The following CPPED1 variants were observed in gnomAD, a reference collection of about 807,000 sequenced individuals.
CPPED1 encodes calcineurin like phosphoesterase domain containing 1.
In CPPED1, 28 loss-of-function variants were observed where a neutral mutation model predicts 28.0. That is an observed-to-expected ratio of 1.00 (90% CI 0.74 to 1.37). The LOEUF (loss-of-function observed/expected upper bound fraction) is 1.37, where lower values mean the gene tolerates loss of function less well. Among genes scored for constraint, CPPED1 ranks in the 40% most tolerant of loss-of-function variants. The pLI is 0.00. For synonymous variants in CPPED1, 198 were observed against 180.2 expected, an observed-to-expected ratio of 1.10 and a Z score of -0.79; for missense variants, 504 against 416.5, an observed-to-expected ratio of 1.21 and a Z score of -1.83.
intron 3 of CPPED1, among the ~76,000 whole-genome samples, chr16:12,675,743 C>T (rs1012382020): frequency 3.9e-5 from 6 of 152,150 alleles, no homozygotes; most frequent in African/African-American, 7.2e-5. Flanking sequence ...CTTTACGTTG[C>T]CAGCTATAAC....
intron 2 of CPPED1, among the ~76,000 whole-genome samples, chr16:12,754,296 C>A (rs2080350716): frequency 6.6e-6 from 1 of 152,140 alleles, no homozygotes. Context: ...AACCAAACAC[C>A]AGATGAAGCC....
chr16:12,715,868 C>T (rs1382344345), intron 2 of CPPED1, among the ~76,000 whole-genome samples: 1 of 152,110 alleles, frequency 6.6e-6, no homozygotes, highest in East Asian at 1.9e-4. Flanking sequence ...AACCTGCAGC[C>T]CGTATGCAGC....
chr16:12,756,400 T>C (rs546354915), intron 2 of CPPED1, among the ~76,000 whole-genome samples: 1 of 152,156 alleles, frequency 6.6e-6, no homozygotes, highest in African/African-American at 2.4e-5. Context: ...CAGAGATGCA[T>C]TTAAGAACAG....
intron 1 of CPPED1, among the ~76,000 whole-genome samples, chr16:12,801,346 G>A (rs756984339): frequency 1.1e-4 from 17 of 152,148 alleles, no homozygotes; most frequent in Non-Finnish European, 2.4e-4. Context: ...ACCCGCCTCA[G>A]TCTCCCAAAG....
intron 2 of CPPED1, among the ~76,000 whole-genome samples, chr16:12,736,932 G>A (rs1033893393): frequency 6.6e-6 from 1 of 152,122 alleles, no homozygotes; most frequent in Non-Finnish European, 1.5e-5. Context: ...GCTCACCCCT[G>A]TAATCCCAGC....
chr16:12,705,242 C>G (rs1809920492), intron 2 of CPPED1, among the ~76,000 whole-genome samples, 193 bp from the exon 3 acceptor site: 1 of 152,250 alleles, frequency 6.6e-6, no homozygotes, highest in African/African-American at 2.4e-5. Context: ...CTCTGCCCAT[C>G]CTTCCCCAGG....
intron 2 of CPPED1, chr16:12,753,529 A>G (rs983595744): frequency 3.3e-5 from 5 of 152,018 alleles, no homozygotes; most frequent in African/African-American, 1.2e-4. Context: ...TCCTGGTCAG[A>G]TGGCCACCTT....
rs755461896 is a variant in CPPED1 at position 12,665,104 on chromosome 16, C to T, written c.727G>A (p.Val243Met). The T allele has an allele frequency of 9.4e-6, 15 of 1,597,058 alleles. No homozygotes were observed. Among genetic ancestry groups the T allele is most frequent in the East Asian group, 6.7e-5 (3 of 44,450 alleles). ...TTCCTGTGGTAGTGGCCTGAGAACA[C>T]GACTTTGACACCTGCAGAGAAGGGA... ...DKFIHAGVKV[V>M]FSGHYHRNAG... The change falls in exon 4 of 4, where the codon GTG becomes ATG. Residue 243 changes from valine (V) to methionine (M), a missense_variant. Physicochemically the swap from Val to Met is conservative, Grantham distance 21. Coordinates refer to ENST00000381774, the MANE Select transcript of CPPED1 (RefSeq NM_018340.3).
intron 2 of CPPED1, among the ~76,000 whole-genome samples, chr16:12,763,678 T>C (rs775005747): frequency 2.0e-5 from 3 of 152,172 alleles, no homozygotes; most frequent in Non-Finnish European, 4.4e-5. Flanking sequence ...CCAAAGCTAT[T>C]TGGCCAGGAA....
chr16:12,802,926 G>A (rs1025865173), intron 1 of CPPED1, among the ~76,000 whole-genome samples: 3 of 152,190 alleles, frequency 2.0e-5, no homozygotes, highest in African/African-American at 4.8e-5. Flanking sequence ...TTCCCTGGGG[G>A]TATAAAGCTG....
chr16:12,758,665 C>G (rs116957319), intron 2 of CPPED1, among the ~76,000 whole-genome samples: 2,477 of 152,206 alleles, frequency 0.016, 32 homozygotes, highest in Non-Finnish European at 0.028. Context: ...GATCATGTGC[C>G]TGAGATCAAT....
chr16:12,686,955 G>A (rs903672574), intron 3 of CPPED1, among the ~76,000 whole-genome samples: 2 of 152,016 alleles, frequency 1.3e-5, no homozygotes, highest in Non-Finnish European at 2.9e-5. Context: ...GATTCAGTAC[G>A]TACACCAGGG....
At chr16:12,791,510 C>A (rs2080596490) in intron 1 of CPPED1, among the ~76,000 whole-genome samples, 1 of 152,192 alleles carries the variant, frequency 6.6e-6, no homozygotes, top group South Asian at 2.1e-4. Flanking sequence ...GATCATGTGT[C>A]ATCCTGTGCA....
chr16:12,772,678 G>A (rs1330982000), intron 2 of CPPED1, among the ~76,000 whole-genome samples: 2 of 152,178 alleles, frequency 1.3e-5, no homozygotes, highest in Non-Finnish European at 2.9e-5. Flanking sequence ...ATGGATGTGC[G>A]AAAGTTAACT....
At chr16:12,770,150 A>G (rs1287592280) in intron 2 of CPPED1, among the ~76,000 whole-genome samples, 1 of 152,208 alleles carries the variant, frequency 6.6e-6, no homozygotes, top group Non-Finnish European at 1.5e-5. Context: ...ATAGCATGGA[A>G]GAAAAGTCCT....
At chr16:12,711,265 T>C (rs1162891862) in intron 2 of CPPED1, among the ~76,000 whole-genome samples, 1 of 152,218 alleles carries the variant, frequency 6.6e-6, no homozygotes, top group African/African-American at 2.4e-5. Flanking sequence ...GTCACTTATA[T>C]GAGGCACTTA....
chr16:12,680,677 T>C (rs894091292), intron 3 of CPPED1, among the ~76,000 whole-genome samples: 2 of 152,086 alleles, frequency 1.3e-5, no homozygotes, highest in African/African-American at 4.8e-5. Context: ...ATCATCAGCA[T>C]GAGAAGAGAG....
chr16:12,732,334 G>A (rs543915755), intron 2 of CPPED1, among the ~76,000 whole-genome samples: 8 of 143,714 alleles, frequency 5.6e-5, no homozygotes, highest in African/African-American at 1.8e-4. Context: ...TCAAAAAGTA[G>A]AGTGAGCAAG....
At chr16:12,723,236 C>T (rs749846355) in intron 2 of CPPED1, among the ~76,000 whole-genome samples, 1 of 152,292 alleles carries the variant, frequency 6.6e-6, no homozygotes, top group East Asian at 1.9e-4. Flanking sequence ...GAGCAGTGGG[C>T]GAGCCTTAGG....
Sources: allele counts gnomAD v4.1 joint callset (sites outside exome capture counted in the v4.1 genomes callset), GRCh38; gene constraint gnomAD v4.1.1; transcripts MANE v1.5; gene names NCBI Gene and HGNC (gene_info 2026-07-23, HGNC 2026-07-21).